RNF2: variants seen among roughly 807,000 people sequenced by gnomAD.
RNF2 encodes the protein ring finger protein 2, also known as E3 ubiquitin-protein ligase RING2.
RNF2 carries 6 observed loss-of-function variants against 37.2 expected under a neutral mutation model. The ratio of observed to expected loss-of-function variants is 0.16; its 90% CI spans 0.09 to 0.32. The LOEUF is 0.32. Ranked by LOEUF, RNF2 falls within the 10% of genes least tolerant of loss-of-function variation. The pLI is 1.00. For missense variants in RNF2, 251 were observed against 404.0 expected (o/e 0.62, Z 3.25); for synonymous variants, 133 against 132.7 (o/e 1.00, Z -0.02).
Position 185,100,367 on chromosome 1 carries a change from C to T in RNF2, c.*66C>T, listed in dbSNP as rs1652044185. 2 of 1,032,714 alleles carry T rather than the reference C, an allele frequency of 1.9e-6. No individual in the cohort carries two copies. Among genetic ancestry groups the T allele is most frequent in the Non-Finnish European group, 2.9e-6 (2 of 685,748 alleles). 64.0% of individuals were successfully genotyped at this position (1,032,714 alleles called of 1,614,324 possible). On this transcript the variant is annotated 3_prime_UTR_variant, in exon 7 of 7. Coordinates refer to ENST00000367510, the MANE Select transcript of RNF2 (RefSeq NM_007212.4). ...CTATTTCTTTAATATTAAAGATGTA[C>T]TGGCATTACTTTTATGGACAGATCT...
chr1:185,094,380 A>C (rs1651854334), intron 4 of RNF2, among the ~76,000 whole-genome samples: 1 of 152,032 alleles, frequency 6.6e-6, no homozygotes, highest in African/African-American at 2.4e-5. Flanking sequence ...TGACCTTGTG[A>C]TCTGCCTGCC....
intron 1 of RNF2, among the ~76,000 whole-genome samples, chr1:185,069,549 G>C (rs1271526059): frequency 6.6e-6 from 1 of 151,986 alleles, no homozygotes; most frequent in East Asian, 1.9e-4. Context: ...TCCAGCACAT[G>C]CTAGGGTCTC....
At chr1:185,049,723 G>A (rs1650222102) in intron 1 of RNF2, among the ~76,000 whole-genome samples, 3 of 151,866 alleles carry the variant, frequency 2.0e-5, no homozygotes, top group Non-Finnish European at 4.4e-5. Context: ...GAACCTAAGA[G>A]CTCAGAGAAG....
At chr1:185,099,471 G>T (rs567170952) in intron 5 of RNF2, among the ~76,000 whole-genome samples, 1 of 152,112 alleles carries the variant, frequency 6.6e-6, no homozygotes, top group Non-Finnish European at 1.5e-5. Context: ...GGTTTGGGGG[G>T]TATGTTCCTT....
At chr1:185,097,564 CTTACT>C (rs1349377400) in intron 4 of RNF2, among the ~76,000 whole-genome samples, 1 of 152,242 alleles carries the variant, frequency 6.6e-6, no homozygotes. Context: ...GAGATAGCGT[CTTACT>C]CTGGCCCAGG....
At chr1:185,071,967 G>T (rs1228210051) in intron 1 of RNF2, 1 of 152,402 alleles carries the variant, frequency 6.6e-6, no homozygotes, top group Non-Finnish European at 1.5e-5. Context: ...CCATATCATT[G>T]TGGACAAAGT....
intron 1 of RNF2, among the ~76,000 whole-genome samples, chr1:185,076,596 G>GT (rs59705922): frequency 0.027 from 3,854 of 142,772 alleles, 73 homozygotes; most frequent in African/African-American, 0.05. Context: ...TTATTTTATG[G>GT]TTTTTTTTTT....
Position 185,100,278 on chromosome 1 carries a change from G to A in RNF2, c.988G>A (p.Ala330Thr), listed in dbSNP as rs1335456103. ...GAACAAACCCATGGAACTTTATTAC[G>A]CACCTACAAAGGAGCACAAATGAGC... is the stretch of plus-strand genomic sequence containing the variant. ...KVNKPMELYY[A>T]PTKEHK Residue 330 changes from alanine to threonine, a missense_variant, in exon 7 of 7, where the codon GCA becomes ACA. By Grantham distance (58) the Ala-to-Thr change is moderately conservative. Transcript: ENST00000367510. 18 of 1,610,860 alleles carry A rather than the reference G, an allele frequency of 1.1e-5. No homozygotes were observed. In the Admixed American group the frequency reaches 1.2e-4, roughly 11 times the overall value.
chr1:185,082,345 C>CCTTTTTTTTT (rs1651442966), intron 1 of RNF2, among the ~76,000 whole-genome samples: 1 of 72,000 alleles, frequency 1.4e-5, no homozygotes, highest in South Asian at 5.1e-4. Context: ...CTCTGCAGAA[C>CCTTTTTTTTT]TTTTTTTTTT....
intron 1 of RNF2, among the ~76,000 whole-genome samples, chr1:185,068,145 T>A (rs1650856872): frequency 6.6e-6 from 1 of 152,200 alleles, no homozygotes; most frequent in Admixed American, 6.5e-5. Flanking sequence ...TGGTTACATT[T>A]TCTGAAATGT....
At chr1:185,095,460 C>T (rs189105158) in intron 4 of RNF2, among the ~76,000 whole-genome samples, 1 of 152,256 alleles carries the variant, frequency 6.6e-6, no homozygotes, top group East Asian at 1.9e-4. Flanking sequence ...TGCTTAAGTT[C>T]TCATCTTCCA....
chr1:185,068,264 TCTTA>T (rs1044662679), intron 1 of RNF2, among the ~76,000 whole-genome samples: 10 of 152,342 alleles, frequency 6.6e-5, no homozygotes, highest in South Asian at 2.1e-4. Context: ...TTATAGTCAC[TCTTA>T]CTTTGGTCAG....
At chr1:185,073,728 C>G (rs1323210443) in intron 1 of RNF2, among the ~76,000 whole-genome samples, 1 of 152,204 alleles carries the variant, frequency 6.6e-6, no homozygotes, top group Non-Finnish European at 1.5e-5. Context: ...TATTGTATGT[C>G]AATCAAAGAT....
chr1:185,072,496 C>A (rs1571307959), intron 1 of RNF2, among the ~76,000 whole-genome samples: 1 of 152,042 alleles, frequency 6.6e-6, no homozygotes, highest in East Asian at 1.9e-4. Context: ...TAAAGAATTA[C>A]AAGGTTAGAA....
chr1:185,085,688 C>G (rs1651575010), intron 1 of RNF2, among the ~76,000 whole-genome samples: 1 of 151,692 alleles, frequency 6.6e-6, no homozygotes, highest in South Asian at 2.1e-4. Context: ...AAGTGTCGCT[C>G]TGTCGCCCAG....
In RNF2 at chr1:185,100,674, T is replaced by C. The variant is rs1404352488; in HGVS notation, c.*373T>C. 6.3e-6 allele frequency: 1 copy of C among 158,504 alleles called. No individual in the cohort carries two copies. The highest frequency in any genetic ancestry group is 1.8e-4 in the East Asian group (1 of 5,626). The allele number at this position is 158,504 out of a possible 1,614,324, so 9.8% of individuals were successfully genotyped here. ...CCTGCTCCCCTCAAAAGATTTTTAG[T>C]CATACAGAATGTTAAATATTATGTA... On this transcript the variant is annotated 3_prime_UTR_variant, in exon 7 of 7. Coordinates refer to ENST00000367510, the MANE Select transcript of RNF2 (RefSeq NM_007212.4).
intron 1 of RNF2, among the ~76,000 whole-genome samples, chr1:185,066,507 C>CTGCT (rs1650803930): frequency 6.6e-6 from 1 of 152,222 alleles, no homozygotes; most frequent in Admixed American, 6.5e-5. Flanking sequence ...TCCCATTTGA[C>CTGCT]TGCTTATTTA....
At chr1:185,076,614 A>T in intron 1 of RNF2, among the ~76,000 whole-genome samples, 1 of 150,128 alleles carries the variant, frequency 6.7e-6, no homozygotes, top group Non-Finnish European at 1.5e-5. Flanking sequence ...TTTTATGTTA[A>T]TCCTTCCAGA....
chr1:185,050,243 T>C (rs921221775), intron 1 of RNF2, among the ~76,000 whole-genome samples: 1 of 152,264 alleles, frequency 6.6e-6, no homozygotes, highest in African/African-American at 2.4e-5. Context: ...TTGAGGAATT[T>C]ATAGTGTAAG....
Sources: allele counts gnomAD v4.1 joint callset (sites outside exome capture counted in the v4.1 genomes callset), GRCh38; gene constraint gnomAD v4.1.1; transcripts MANE v1.5; gene names NCBI Gene and HGNC (gene_info 2026-07-23, HGNC 2026-07-21).